Variants in GRM7 observed in about 807,000 individuals in gnomAD.
GRM7 encodes metabotropic glutamate receptor 7.
Under a neutral mutation model 84.5 loss-of-function variants are expected in GRM7, and 35 were observed. The ratio of observed to expected loss-of-function variants is 0.41; its 90% confidence interval spans 0.32 to 0.55. GRM7 has a LOEUF of 0.55. GRM7 is among the 20% of genes least tolerant of loss of function. The pLI, the probability that GRM7 is intolerant of heterozygous loss-of-function variation, is 0.19. For missense variants in GRM7, 1,003 were observed against 1,194.6 expected, an observed-to-expected ratio of 0.84 and a Z score of 2.36; for synonymous variants, 487 against 455.1, an observed-to-expected ratio of 1.07 and a Z score of -0.89.
intron 2 of GRM7, among the ~76,000 whole-genome samples, chr3:7,172,281 A>G (rs1365932371): frequency 6.6e-6 from 1 of 152,212 alleles, no homozygotes; most frequent in Non-Finnish European, 1.5e-5. Context: ...GTAGACACTT[A>G]AAATTGTTAA....
chr3:7,615,746 G>A (rs933824223), intron 8 of GRM7, among the ~76,000 whole-genome samples: 2 of 151,974 alleles, frequency 1.3e-5, no homozygotes, highest in Non-Finnish European at 2.9e-5. Context: ...GGGAGGAGGA[G>A]GGACTACTCA....
chr3:7,337,054 A>T (rs961802068), intron 4 of GRM7, among the ~76,000 whole-genome samples: 1 of 151,948 alleles, frequency 6.6e-6, no homozygotes, highest in African/African-American at 2.4e-5. Context: ...ATAGCATGAT[A>T]CTGGTATAAA....
chr3:7,335,380 C>G (rs778930001), intron 4 of GRM7, among the ~76,000 whole-genome samples: 5 of 151,886 alleles, frequency 3.3e-5, no homozygotes, highest in Non-Finnish European at 5.9e-5. Flanking sequence ...GTGACACAAC[C>G]TATCAAAACC....
intron 1 of GRM7, among the ~76,000 whole-genome samples, chr3:7,081,492 C>T (rs1000434193): frequency 5.3e-5 from 8 of 152,054 alleles, no homozygotes; most frequent in Admixed American, 2.0e-4. Context: ...TTCTCCCTGT[C>T]CTTGGCCCTT....
At chr3:7,335,333 T>G (rs58596266) in intron 4 of GRM7, among the ~76,000 whole-genome samples, 6,018 of 152,074 alleles carry the variant, frequency 0.04, 247 homozygotes, top group African/African-American at 0.11. Flanking sequence ...CAAAGAAATT[T>G]TGATGGAAAT....
intron 1 of GRM7, among the ~76,000 whole-genome samples, chr3:7,059,838 T>C (rs1697369631): frequency 6.6e-6 from 1 of 151,762 alleles, no homozygotes; most frequent in African/African-American, 2.4e-5. Flanking sequence ...ACATTGGTCT[T>C]CTCCAGACAC....
chr3:7,327,448 GT>G (rs1244790399), intron 4 of GRM7, among the ~76,000 whole-genome samples: 5 of 152,126 alleles, frequency 3.3e-5, no homozygotes, highest in African/African-American at 1.2e-4. Flanking sequence ...ATTCTATTAT[GT>G]AATCCAATTG....
At chr3:7,277,644 A>G (rs1170978690) in intron 2 of GRM7, among the ~76,000 whole-genome samples, 1 of 152,086 alleles carries the variant, frequency 6.6e-6, no homozygotes, top group Admixed American at 6.6e-5. Context: ...TCTTCTTTTT[A>G]ATTTGTTCAT....
chr3:7,240,216 C>G (rs1023306258), intron 2 of GRM7, among the ~76,000 whole-genome samples: 1 of 130,196 alleles, frequency 7.7e-6, no homozygotes, highest in Admixed American at 9.6e-5. Context: ...AGGTGTGGGG[C>G]TGAAACACAC....
intron 7 of GRM7, among the ~76,000 whole-genome samples, chr3:7,540,075 C>G (rs1046113150): frequency 7.2e-5 from 11 of 152,154 alleles, no homozygotes; most frequent in African/African-American, 2.4e-4. Flanking sequence ...AAAAGACAGA[C>G]TATAACAAGT....
At chr3:7,137,740 T>C (rs940914158) in intron 1 of GRM7, among the ~76,000 whole-genome samples, 1 of 210 alleles carries the variant, frequency 4.8e-3, no homozygotes, top group Admixed American at 0.056. Context: ...GGCCCAATAT[T>C]TGGAGTGGTG....
intron 4 of GRM7, among the ~76,000 whole-genome samples, chr3:7,310,765 A>G (rs1404260785): frequency 1.3e-5 from 2 of 152,172 alleles, no homozygotes; most frequent in African/African-American, 2.4e-5. Flanking sequence ...ACTTGAAAAT[A>G]TGGTTGAAAG....
At position 7,449,438 on chromosome 3, in the gene GRM7, C is replaced by G. The variant is rs185617258; in HGVS notation, c.1175-3169C>G. On this transcript the variant is annotated intron_variant, in intron 5 of 9. Transcript: ENST00000357716. ...AACAGAAACCCAATAAATGGACCAC[C>G]AAGTTGCTAGATTTTCTTTCTGAAG... Among the ~76,000 whole-genome samples, 3 of 152,152 alleles carry G rather than the reference C, an allele frequency of 2.0e-5. No homozygotes were observed. The East Asian group carries it at 5.8e-4, about 29-fold the overall frequency.
At position 7,298,677 on chromosome 3, in the gene GRM7, T is replaced by G. The variant is rs745421491; in HGVS notation, c.737-7T>G. 6.2e-7 allele frequency: 1 copy of G among 1,612,172 alleles called. No individual in the cohort carries two copies. The highest frequency in any genetic ancestry group is 8.5e-7 in the Non-Finnish European group (1 of 1,178,668). On this transcript the variant is annotated splice_region_variant and splice_polypyrimidine_tract_variant and intron_variant, in intron 2 of 9. Transcript: ENST00000357716. ...TTATTGACACTATGTTTTCTTCTCTTAAACAGGTGGACTCTGCATTGCCCA... is the reference window on the plus strand; with the variant it reads ...TTATTGACACTATGTTTTCTTCTCTGAAACAGGTGGACTCTGCATTGCCCA...
intron 2 of GRM7, among the ~76,000 whole-genome samples, chr3:7,208,469 G>C (rs906326583): frequency 6.6e-6 from 1 of 152,132 alleles, no homozygotes; most frequent in Non-Finnish European, 1.5e-5. Flanking sequence ...TCATCTGCGG[G>C]ATACAGATTT....
intron 4 of GRM7, among the ~76,000 whole-genome samples, chr3:7,392,717 C>G (rs1241603390): frequency 6.6e-6 from 1 of 152,180 alleles, no homozygotes; most frequent in African/African-American, 2.4e-5. Flanking sequence ...CTGTGTCAGT[C>G]TGACTCATGC....
At chr3:6,983,803 G>A (rs1305963759) in intron 1 of GRM7, among the ~76,000 whole-genome samples, 1 of 145,800 alleles carries the variant, frequency 6.9e-6, no homozygotes, top group Non-Finnish European at 1.5e-5. Context: ...CTTTTGTTTT[G>A]TTTTTTTTTT....
At chr3:7,448,288 T>A (rs1025944206) in intron 5 of GRM7, among the ~76,000 whole-genome samples, 12 of 151,816 alleles carry the variant, frequency 7.9e-5, no homozygotes, top group Non-Finnish European at 1.3e-4. Flanking sequence ...CTGGGTCAAA[T>A]GGTATTTCTA....
chr3:7,389,419 G>A (rs1444914536), intron 4 of GRM7, among the ~76,000 whole-genome samples: 1 of 152,052 alleles, frequency 6.6e-6, no homozygotes, highest in East Asian at 1.9e-4. Context: ...GAATTTGTTA[G>A]TTCTCTGCTT....
Sources: gnomAD v4.1 joint callset for allele counts (sites outside exome capture counted in the v4.1 genomes callset) on GRCh38, gnomAD v4.1.1 for gene constraint, MANE v1.5 for transcripts, NCBI Gene and HGNC (gene_info 2026-07-23, HGNC 2026-07-21) for gene names.